RAD21L1: variants seen among roughly 807,000 people sequenced by gnomAD.
RAD21L1 encodes double-strand-break repair protein rad21-like protein 1.
Under a neutral mutation model 69.0 loss-of-function variants are expected in RAD21L1, and 47 were observed. The observed-to-expected ratio is 0.68, with a 90% CI of 0.54 to 0.87. RAD21L1 has a LOEUF of 0.87. Ranked by LOEUF, RAD21L1 falls within the 40% of genes least tolerant of loss-of-function variation. RAD21L1 has a pLI of 0.00. For missense variants in RAD21L1, 583 were observed against 647.6 expected, an observed-to-expected ratio of 0.90 and a Z score of 1.08; for synonymous variants, 177 against 205.8, an observed-to-expected ratio of 0.86 and a Z score of 1.20.
chr20:1,239,172 C>CT (rs1211715598), intron 6 of RAD21L1, 140 bp from the exon 7 acceptor site: 1 of 580,248 alleles, frequency 1.7e-6, no homozygotes. Context: ...CCTATCAAAT[C>CT]TTTTTTAAAA....
At chr20:1,233,367 A>G (rs2087431704) in intron 4 of RAD21L1, among the ~76,000 whole-genome samples, 1 of 152,184 alleles carries the variant, frequency 6.6e-6, no homozygotes, top group Admixed American at 6.5e-5. Context: ...GGTCATTCCC[A>G]GTAGTTAGTC....
intron 1 of RAD21L1, among the ~76,000 whole-genome samples, chr20:1,227,346 A>G (rs1432196710): frequency 6.6e-6 from 1 of 152,282 alleles, no homozygotes; most frequent in Non-Finnish European, 1.5e-5. Flanking sequence ...AGCCATATGC[A>G]TTAAAATCTC....
At chr20:1,249,706 C>G (rs1317055667) in intron 13 of RAD21L1, among the ~76,000 whole-genome samples, 1 of 152,106 alleles carries the variant, frequency 6.6e-6, no homozygotes, top group Non-Finnish European at 1.5e-5. Flanking sequence ...ACTAATAATT[C>G]TGTTACTATA....
Position 1,239,342 on chromosome 20 carries a change from T to C in RAD21L1, c.677T>C (p.Leu226Pro), listed in dbSNP as rs1171446023. 2.6e-6 allele frequency: 4 copies of C among 1,548,514 alleles called. No individual in the cohort carries two copies. In the East Asian group the frequency reaches 7.3e-5, roughly 28 times the overall value. ...DNLLQDDQNI[L>P]LEDMHLNREI... ...CTATTGCAAGATGATCAGAATATCC[T>C]GTTAGAAGACATGCATTTGAACAGA... Residue 226 changes from leucine to proline, a missense_variant, in exon 7 of 14, where the codon CTG becomes CCG. Leu to Pro is a moderately conservative substitution (Grantham distance 98). Transcript: ENST00000683101.
intron 12 of RAD21L1, among the ~76,000 whole-genome samples, chr20:1,248,045 C>CAAAAAAAAAAAA (rs71327497): frequency 1.5e-4 from 11 of 71,922 alleles, no homozygotes; most frequent in African/African-American, 2.9e-4. Context: ...CCTTAAATAC[C>CAAAAAAAAAAAA]AAAAAAAAAA....
At chr20:1,245,856 G>A (rs2122132655) in intron 11 of RAD21L1, among the ~76,000 whole-genome samples, 1 of 152,076 alleles carries the variant, frequency 6.6e-6, no homozygotes. Context: ...CATGAGAATA[G>A]AGGTAGGGGA....
At chr20:1,230,587 A>G (rs578108004) in intron 3 of RAD21L1, 1 of 334,782 alleles carries the variant, frequency 3.0e-6, no homozygotes, top group Non-Finnish European at 4.3e-6. Flanking sequence ...CTCTGTCACT[A>G]GTCTTCAAGC....
chr20:1,246,153 A>G lies in RAD21L1; in HGVS notation c.1309-60A>G, dbSNP rs1011033510. The G allele has an allele frequency of 7.4e-6, 6 of 806,916 alleles. No homozygotes were observed. In the African/African-American group the frequency reaches 1.1e-4, roughly 14 times the overall value. The allele number at this position is 806,916 out of a possible 1,614,324, so 50.0% of individuals were successfully genotyped here. A position where few individuals can be genotyped will look rare whatever the true frequency, so the allele number is the denominator to read the frequency against. On this transcript the variant is annotated intron_variant, in intron 11 of 13. Transcript: ENST00000683101. The surrounding 1 kb of genome is among the most constrained non-coding windows in gnomAD (Gnocchi z 4.6). ...TGTGATTAAAGCATTTAATAAAATT[A>G]GATTGTTCCTGTATAACCACTGGCA...
chr20:1,250,610 T>C (rs2122161937), intron 13 of RAD21L1, among the ~76,000 whole-genome samples: 1 of 152,354 alleles, frequency 6.6e-6, no homozygotes, highest in African/African-American at 2.4e-5. Context: ...CTATCATTGA[T>C]GGACATTTGG....
chr20:1,231,726 A>G (rs2087394943), intron 4 of RAD21L1, 107 bp downstream of exon 4: 5 of 619,206 alleles, frequency 8.1e-6, no homozygotes, highest in East Asian at 2.9e-5. Context: ...GCACAAGTAC[A>G]GATGTAATTG....
intron 5 of RAD21L1, among the ~76,000 whole-genome samples, chr20:1,236,724 A>G (rs555861229): frequency 6.6e-6 from 1 of 152,298 alleles, no homozygotes; most frequent in South Asian, 2.1e-4. Context: ...AATCTTCTTC[A>G]CCAATATGTG....
chr20:1,253,489 G>C (rs1600234777), intron 13 of RAD21L1, among the ~76,000 whole-genome samples: 1 of 152,158 alleles, frequency 6.6e-6, no homozygotes, highest in East Asian at 1.9e-4. Flanking sequence ...TACAGACAAG[G>C]TTTCACCATG....
rs1240667184 is a variant in RAD21L1, at chr20:1,239,315, A to T, written c.650A>T (p.Asn217Ile). The change falls in exon 7 of 14, where the codon AAT (asparagine) becomes ATT (isoleucine). Residue 217 changes from asparagine to isoleucine, a missense_variant. By Grantham distance (149) the Asn-to-Ile change is moderately radical (BLOSUM62 -3). Transcript: ENST00000683101. ...AATATTCATTGTGTTTTTCAAGACA[A>T]TCTATTGCAAGATGATCAGAATATC... ...DEGAAGEMID[N>I]LLQDDQNILL... The T allele has an allele frequency of 6.6e-7, 1 of 1,524,054 alleles. No individual in the cohort carries two copies. Among genetic ancestry groups the T allele is most frequent in the East Asian group, 2.5e-5 (1 of 40,656 alleles). The allele number at this position is 1,524,054 out of a possible 1,614,324, so 94.4% of individuals were successfully genotyped here.
intron 2 of RAD21L1, 121 bp from the exon 3 acceptor site, chr20:1,229,759 C>T (rs1327584056): frequency 2.8e-6 from 2 of 712,492 alleles, no homozygotes; most frequent in Non-Finnish European, 4.4e-6. Flanking sequence ...TATACTTTAA[C>T]TAAGAATACA....
chr20:1,251,998 G>A (rs180796262), intron 13 of RAD21L1, among the ~76,000 whole-genome samples: 92 of 152,118 alleles, frequency 6.0e-4, no homozygotes, highest in African/African-American at 2.2e-3. Flanking sequence ...AACTTTCCTT[G>A]TGCCCCTTTT....
In RAD21L1 at chr20:1,243,957, G is replaced by A. The variant is rs115322828; in HGVS notation, c.1184-89G>A. On this transcript the variant is annotated intron_variant, in intron 10 of 13. Transcript: ENST00000683101. ...TAAATTCTTGGATCCCAACATGTCT[G>A]TCAGAAGTTTTCTTTTGTTACAACC... 4,041 of 1,161,516 alleles carry A rather than the reference G, an allele frequency of 3.5e-3. 85 individuals carry two copies. In the African/African-American group the frequency reaches 0.053, roughly 15 times the overall value. 72.0% of individuals were successfully genotyped at this position (1,161,516 alleles called of 1,614,324 possible). A position where few individuals can be genotyped will look rare whatever the true frequency, so the allele number is the denominator to read the frequency against.
chr20:1,244,422 A>G (rs1337161049), intron 11 of RAD21L1, among the ~76,000 whole-genome samples: 2 of 152,176 alleles, frequency 1.3e-5, no homozygotes, highest in Non-Finnish European at 2.9e-5. Flanking sequence ...ACGTTAAATC[A>G]ATGATTGTCT....
chr20:1,243,002 A>G, intron 9 of RAD21L1, 95 bp from the exon 10 acceptor site: 2 of 951,302 alleles, frequency 2.1e-6, no homozygotes, highest in African/African-American at 3.3e-5. Context: ...TGTGTGTATG[A>G]ATTATAGTTT....
intron 4 of RAD21L1, among the ~76,000 whole-genome samples, chr20:1,232,988 A>T (rs1276632994): frequency 1.3e-5 from 2 of 152,182 alleles, no homozygotes; most frequent in Non-Finnish European, 2.9e-5. Flanking sequence ...CCACTGTGTG[A>T]GGTCACAGCA....
Sources: allele counts gnomAD v4.1 joint callset (sites outside exome capture counted in the v4.1 genomes callset), GRCh38; gene constraint gnomAD v4.1.1; non-coding constraint Gnocchi (gnomAD v3.1); transcripts MANE v1.5; gene names NCBI Gene and HGNC (gene_info 2026-07-23, HGNC 2026-07-21).